Variants in NAV2 observed in about 807,000 individuals in gnomAD.
The protein encoded by NAV2 is helicase, APC down-regulated 1.
A neutral mutation model predicts 223.2 loss-of-function variants in NAV2; 54 were observed. The observed-to-expected ratio is 0.24, with a 90% CI of 0.19 to 0.30. NAV2 has a LOEUF of 0.30. Among genes scored for constraint, NAV2 ranks in the 10% least tolerant of loss-of-function variants. NAV2 has a pLI of 1.00. For synonymous variants in NAV2, 1,279 were observed against 1,239.3 expected (o/e 1.03, Z -0.67); for missense variants, 2,806 against 3,147.5 (o/e 0.89, Z 2.60).
At chr11:20,082,945 G>C in intron 25 of NAV2, 62 bp from the exon 26 acceptor site, 1 of 1,483,208 alleles carries the variant, frequency 6.7e-7, no homozygotes, top group African/African-American at 1.4e-5. Flanking sequence ...GCATGTCTCT[G>C]TTTTGCCAAG....
chr11:19,697,014 T>C (rs1324187319), intron 1 of NAV2, among the ~76,000 whole-genome samples: 1 of 152,190 alleles, frequency 6.6e-6, no homozygotes, highest in Admixed American at 6.5e-5. Context: ...TTACACAGCA[T>C]TGTGGAACTA....
intron 6 of NAV2, among the ~76,000 whole-genome samples, chr11:19,932,236 C>CAAA (rs398015484): frequency 0.011 from 889 of 78,720 alleles, no homozygotes; most frequent in Non-Finnish European, 0.014. Context: ...CACTCTTAAG[C>CAAA]AAAAAAAAAA....
At chr11:19,351,985 G>GTA in intron 1 of NAV2, among the ~76,000 whole-genome samples, 1 of 151,606 alleles carries the variant, frequency 6.6e-6, no homozygotes, top group South Asian at 2.1e-4. Flanking sequence ...GAGTGTGTGT[G>GTA]TGTGTGTGTG....
chr11:20,030,637 T>C (rs1324330549), intron 11 of NAV2, among the ~76,000 whole-genome samples: 1 of 152,238 alleles, frequency 6.6e-6, no homozygotes, highest in African/African-American at 2.4e-5. Context: ...TTCCTTAAGC[T>C]CTTCAGATGT....
chr11:19,350,943 T>C (rs944663925), exon 1 of NAV2: 7 of 1,551,704 alleles, frequency 4.5e-6, no homozygotes, highest in Non-Finnish European at 6.1e-6. Context: ...GAGGATTTTA[T>C]TTCTGGGAAA....
chr11:19,775,543 G>A (rs116762728), intron 1 of NAV2, among the ~76,000 whole-genome samples: 1 of 152,218 alleles, frequency 6.6e-6, no homozygotes, highest in African/African-American at 2.4e-5. Context: ...GAACAGTAGG[G>A]AAACAAAACA....
rs535276232 is a variant in NAV2, at chr11:19,587,759, A to G, written c.75+236732A>G. On this transcript the variant is annotated intron_variant, in intron 1 of 37. Coordinates refer to the NAV2 transcript ENST00000360655. ...CTGACTGCACACAGAAAATATGTTA[A>G]TTAGGATAACACAAGCTTCTATAAC... is the stretch of plus-strand genomic sequence containing the variant. Among the ~76,000 whole-genome samples, 22 of 152,350 alleles carry G rather than the reference A, an allele frequency of 1.4e-4. No individual in the cohort carries two copies. In the East Asian group the frequency reaches 4.2e-3, roughly 29 times the overall value.
rs2063317592 is a variant in NAV2, at chr11:20,118,579, GAC to G, written c.*323_*324del. On this transcript the variant is annotated 3_prime_UTR_variant, in exon 38 of 38. Coordinates refer to ENST00000349880, the MANE Select transcript of NAV2 (RefSeq NM_145117.5). ...TCATCGCCGTTGAAATGAAAAGAGA[GAC>G]AGAGAGAAAAAAAAAAAGAGAACCC... 1 of 97,232 alleles carries G rather than the reference GAC, an allele frequency of 1.0e-5. No individual in the cohort carries two copies. The highest frequency in any genetic ancestry group is 2.5e-5 in the Non-Finnish European group (1 of 40,252). 6.0% of individuals were successfully genotyped at this position (97,232 alleles called of 1,614,324 possible).
At chr11:19,504,960 C>G (rs2043076901) in intron 1 of NAV2, 1 of 152,188 alleles carries the variant, frequency 6.6e-6, no homozygotes, top group Non-Finnish European at 1.5e-5. Context: ...AATGACTTGT[C>G]CATGGTCCAC....
chr11:19,936,097 G>A (rs2045879959), intron 7 of NAV2, among the ~76,000 whole-genome samples: 1 of 150,010 alleles, frequency 6.7e-6, no homozygotes, highest in Non-Finnish European at 1.5e-5. Context: ...TTGAACTCCT[G>A]AGCTCAGGCA....
intron 1 of NAV2, among the ~76,000 whole-genome samples, chr11:19,652,406 G>A (rs983844349): frequency 3.3e-5 from 5 of 152,144 alleles, no homozygotes; most frequent in South Asian, 4.1e-4. Flanking sequence ...TCAGCTGTGA[G>A]GGCTGCACAG....
At chr11:20,069,494 T>TA (rs1359806577) in intron 22 of NAV2, among the ~76,000 whole-genome samples, 2 of 152,104 alleles carry the variant, frequency 1.3e-5, no homozygotes, top group African/African-American at 2.4e-5. Context: ...GCACTTTAGA[T>TA]AGAGGATCAG....
At chr11:19,535,059 G>A (rs986538905) in intron 1 of NAV2, among the ~76,000 whole-genome samples, 2 of 152,072 alleles carry the variant, frequency 1.3e-5, no homozygotes, top group African/African-American at 4.8e-5. Context: ...TGTTGATGTG[G>A]TTAACAAGGA....
At chr11:20,094,419 G>A (rs2061092358) in intron 29 of NAV2, among the ~76,000 whole-genome samples, 1 of 151,640 alleles carries the variant, frequency 6.6e-6, no homozygotes, top group Non-Finnish European at 1.5e-5. Flanking sequence ...TAGTAGAGAT[G>A]GGGTTTCACC....
chr11:19,629,542 G>GACACACACACACACAC (rs10604730), intron 1 of NAV2, among the ~76,000 whole-genome samples: 1 of 134,714 alleles, frequency 7.4e-6, no homozygotes, highest in African/African-American at 2.7e-5. Flanking sequence ...CTCTCTCTCT[G>GACACACACACACACAC]ACACACACAC....
intron 1 of NAV2, among the ~76,000 whole-genome samples, chr11:19,535,790 G>C: frequency 6.6e-6 from 1 of 152,162 alleles, no homozygotes; most frequent in East Asian, 1.9e-4. Flanking sequence ...GCCCAACAGC[G>C]TGGGGATCCA....
intron 10 of NAV2, chr11:19,978,787 T>C (rs2050041734): frequency 6.6e-6 from 1 of 152,074 alleles, no homozygotes; most frequent in Admixed American, 6.6e-5. Flanking sequence ...CTGGTGAGAT[T>C]AGTGGCAGTC....
chr11:19,771,597 C>G (rs961665116), intron 1 of NAV2, among the ~76,000 whole-genome samples: 2 of 151,904 alleles, frequency 1.3e-5, no homozygotes, highest in African/African-American at 2.4e-5. Flanking sequence ...TGACCCCCCC[C>G]ATTAGAAGGA....
intron 1 of NAV2, among the ~76,000 whole-genome samples, chr11:19,586,314 A>T (rs12788177): frequency 1.3e-5 from 2 of 151,896 alleles, no homozygotes; most frequent in African/African-American, 2.4e-5. Flanking sequence ...CTTCTTTGCC[A>T]TGGGTTCGAA....
Sources: gnomAD v4.1 joint callset for allele counts (sites outside exome capture counted in the v4.1 genomes callset) on GRCh38, gnomAD v4.1.1 for gene constraint, MANE v1.5 for transcripts, NCBI Gene and HGNC (gene_info 2026-07-23, HGNC 2026-07-21) for gene names.